TBC1D22A: variants seen among roughly 807,000 people sequenced by gnomAD.
TBC1D22A encodes the protein putative GTPase activator.
TBC1D22A carries 38 observed loss-of-function variants against 60.2 expected under a neutral mutation model. The ratio of observed to expected loss-of-function variants is 0.63; its 90% CI spans 0.49 to 0.83. The LOEUF (loss-of-function observed/expected upper bound fraction) is 0.83, where lower values mean the gene tolerates loss of function less well. Among genes scored for constraint, TBC1D22A ranks in the 40% least tolerant of loss-of-function variants. The pLI, the probability that TBC1D22A is intolerant of heterozygous loss-of-function variation, is 0.00. For missense variants in TBC1D22A, 628 were observed against 701.0 expected (o/e 0.90, Z 1.18); for synonymous variants, 302 against 281.7 (o/e 1.07, Z -0.72).
chr22:47,160,077 A>C (rs959332647), intron 12 of TBC1D22A, among the ~76,000 whole-genome samples: 18 of 145,742 alleles, frequency 1.2e-4, no homozygotes, highest in Admixed American at 6.8e-4. Flanking sequence ...CGTGAGGTGG[A>C]GGAGGGTGGG....
chr22:46,817,149 G>A (rs1012964627), intron 4 of TBC1D22A, among the ~76,000 whole-genome samples: 1 of 152,006 alleles, frequency 6.6e-6, no homozygotes, highest in Non-Finnish European at 1.5e-5. Flanking sequence ...GGTTGTACTG[G>A]AATAGCTTTC....
chr22:46,805,887 C>T (rs1236939534), intron 4 of TBC1D22A, among the ~76,000 whole-genome samples: 1 of 147,396 alleles, frequency 6.8e-6, no homozygotes, highest in Non-Finnish European at 1.5e-5. Context: ...GAGTCTTGCT[C>T]TTTCGCCCAG....
At chr22:46,776,628 C>G (rs899340605) in intron 1 of TBC1D22A, among the ~76,000 whole-genome samples, 1 of 151,808 alleles carries the variant, frequency 6.6e-6, no homozygotes, top group South Asian at 2.1e-4. Flanking sequence ...AGGAACTGGC[C>G]TGAGATTGCA....
intron 11 of TBC1D22A, among the ~76,000 whole-genome samples, chr22:47,092,355 G>A (rs2065009887): frequency 1.3e-5 from 2 of 152,178 alleles, no homozygotes; most frequent in Non-Finnish European, 2.9e-5. Flanking sequence ...AGTGAAGAGG[G>A]ACAGGACTCA....
intron 11 of TBC1D22A, among the ~76,000 whole-genome samples, chr22:47,088,596 A>AT (rs2064794627): frequency 6.6e-6 from 1 of 152,076 alleles, no homozygotes; most frequent in Admixed American, 6.5e-5. Flanking sequence ...CTGCTAATCA[A>AT]ATTTTTTTTT....
At chr22:46,883,499 C>T (rs75554462) in intron 5 of TBC1D22A, among the ~76,000 whole-genome samples, 2,852 of 152,258 alleles carry the variant, frequency 0.019, 48 homozygotes, top group South Asian at 0.045. Context: ...GTCAGGAGCA[C>T]GTGTAGGGTT....
At chr22:47,051,914 G>C (rs1480160554) in intron 11 of TBC1D22A, among the ~76,000 whole-genome samples, 2 of 152,254 alleles carry the variant, frequency 1.3e-5, no homozygotes, top group Non-Finnish European at 2.9e-5. Context: ...GGCGGTCACT[G>C]TGCGGAGGTG....
intron 10 of TBC1D22A, among the ~76,000 whole-genome samples, chr22:47,000,733 G>C (rs2148248808): frequency 6.6e-6 from 1 of 152,094 alleles, no homozygotes; most frequent in East Asian, 1.9e-4. Flanking sequence ...GTGAGAGTAG[G>C]AGGAACGTGC....
At chr22:47,103,978 G>A (rs1275283612) in intron 11 of TBC1D22A, among the ~76,000 whole-genome samples, 1 of 152,116 alleles carries the variant, frequency 6.6e-6, no homozygotes, top group Non-Finnish European at 1.5e-5. Context: ...TTTGGAAATG[G>A]CAAAGCTGTC....
chr22:46,891,408 C>CT lies in TBC1D22A; in HGVS notation c.837+21dup. On this transcript the variant is annotated intron_variant, in intron 6 of 12. Coordinates refer to ENST00000337137, the MANE Select transcript of TBC1D22A (RefSeq NM_014346.5). ...ACATACAGGCAGGTGGGAATCCTTT[C>CT]TTTTTTTCGTATGTTGCCTGATGTA... 2 of 1,589,584 alleles carry CT rather than the reference C, an allele frequency of 1.3e-6. No individual in the cohort carries two copies. Among genetic ancestry groups the CT allele is most frequent in the South Asian group, 1.2e-5 (1 of 86,226 alleles).
intron 11 of TBC1D22A, among the ~76,000 whole-genome samples, chr22:47,056,315 G>A (rs1458935354): frequency 6.6e-6 from 1 of 152,052 alleles, no homozygotes; most frequent in African/African-American, 2.4e-5. Flanking sequence ...CTCCGGCCGG[G>A]TGCTTGTTAG....
chr22:47,088,877 C>G (rs922672990), intron 11 of TBC1D22A, among the ~76,000 whole-genome samples: 1 of 152,188 alleles, frequency 6.6e-6, no homozygotes, highest in Non-Finnish European at 1.5e-5. Flanking sequence ...GCTCCAACAG[C>G]GAAGCGTTCT....
chr22:46,797,577 C>T lies in TBC1D22A; in HGVS notation c.594C>T (p.Leu198=), dbSNP rs1221969348. 3.1e-6 allele frequency: 5 copies of T among 1,612,498 alleles called. No individual in the cohort carries two copies. The highest frequency in any genetic ancestry group is 1.7e-5 in the Admixed American group (1 of 59,876). ...TGAGCGAAAGAGAGGCCTCCCGGCT[C>T]GACAAGTTCAAGCAGCTGCTTGCCG... ...SALSEREASR[L]DKFKQLLAGP... is the part of the protein sequence containing the mutation. The change falls in exon 4 of 13, where the codon CTC becomes CTT. Residue 198 remains leucine (L), a synonymous_variant. Coordinates refer to ENST00000337137, the MANE Select transcript of TBC1D22A (RefSeq NM_014346.5).
chr22:47,130,828 C>A (rs1398336997), intron 12 of TBC1D22A, among the ~76,000 whole-genome samples: 2 of 152,174 alleles, frequency 1.3e-5, no homozygotes, highest in Non-Finnish European at 2.9e-5. Flanking sequence ...CCTGGATAGC[C>A]CCTTATTTCC....
At chr22:46,856,501 G>T (rs1206979542) in intron 4 of TBC1D22A, among the ~76,000 whole-genome samples, 1 of 152,212 alleles carries the variant, frequency 6.6e-6, no homozygotes, top group Non-Finnish European at 1.5e-5. Flanking sequence ...TTTTTAACAT[G>T]AAATAGCAGT....
intron 10 of TBC1D22A, among the ~76,000 whole-genome samples, chr22:47,008,886 T>C (rs987428987): frequency 6.6e-6 from 1 of 152,166 alleles, no homozygotes; most frequent in Non-Finnish European, 1.5e-5. Flanking sequence ...CCCTATGTTT[T>C]GGTGGCTGAG....
At chr22:47,061,548 G>A (rs1276811226) in intron 11 of TBC1D22A, among the ~76,000 whole-genome samples, 1 of 152,084 alleles carries the variant, frequency 6.6e-6, no homozygotes, top group South Asian at 2.1e-4. Flanking sequence ...ATCCCTCACC[G>A]CAGCTTCCCC....
chr22:47,100,433 G>T (rs1197493837), intron 11 of TBC1D22A, among the ~76,000 whole-genome samples: 2 of 151,888 alleles, frequency 1.3e-5, no homozygotes, highest in Admixed American at 1.3e-4. Context: ...GAAGCCCTGG[G>T]GCACAGGGGT....
intron 8 of TBC1D22A, among the ~76,000 whole-genome samples, chr22:46,952,514 T>A (rs551339636): frequency 7.2e-5 from 11 of 152,308 alleles, no homozygotes; most frequent in African/African-American, 2.6e-4. Flanking sequence ...AGCATCGTTT[T>A]TATCAGTTTT....
Sources: gnomAD v4.1 joint callset for allele counts (sites outside exome capture counted in the v4.1 genomes callset) on GRCh38, gnomAD v4.1.1 for gene constraint, MANE v1.5 for transcripts, NCBI Gene and HGNC (gene_info 2026-07-23, HGNC 2026-07-21) for gene names.